RARB: variants seen among roughly 807,000 people sequenced by gnomAD.
RARB encodes HBV-activated protein.
RARB carries 17 observed loss-of-function variants against 51.9 expected under a neutral mutation model. That is an observed-to-expected ratio of 0.33 (90% CI 0.22 to 0.49). RARB has a LOEUF of 0.49. Ranked by LOEUF, RARB falls within the 20% of genes least tolerant of loss-of-function variation. The pLI is 0.99. For missense variants in RARB, 369 were observed against 550.8 expected (o/e 0.67, Z 3.30); for synonymous variants, 215 against 195.4 (o/e 1.10, Z -0.84).
chr3:25,020,088 TG>T (rs1398371714), intron 2 of RARB: 1 of 150,596 alleles, frequency 6.6e-6, no homozygotes, highest in African/African-American at 2.4e-5. Context: ...AAGGTACAGA[TG>T]TATACTCAAG....
At chr3:25,218,802 A>G (rs537517324) in intron 5 of RARB, among the ~76,000 whole-genome samples, 87 of 152,268 alleles carry the variant, frequency 5.7e-4, no homozygotes, top group Middle Eastern at 3.4e-3. Flanking sequence ...AGGCTCAGAG[A>G]GGTGACTCAA....
intron 2 of RARB, among the ~76,000 whole-genome samples, chr3:24,982,376 T>G (rs768648466): frequency 2.0e-5 from 3 of 152,176 alleles, no homozygotes; most frequent in Non-Finnish European, 2.9e-5. Flanking sequence ...GCTTCAGGCT[T>G]CCTTCCAAAC....
intron 2 of RARB, among the ~76,000 whole-genome samples, chr3:24,891,397 C>G (rs1436758325): frequency 6.6e-6 from 1 of 152,086 alleles, no homozygotes; most frequent in Non-Finnish European, 1.5e-5. Context: ...CCTTGTGCTT[C>G]AGTTTTCCAA....
At chr3:25,348,095 A>C (rs1002602102) in intron 5 of RARB, among the ~76,000 whole-genome samples, 3 of 152,124 alleles carry the variant, frequency 2.0e-5, no homozygotes, top group African/African-American at 7.2e-5. Flanking sequence ...CATAGGCTTC[A>C]TGGGCTAATA....
chr3:24,844,045 T>C (rs1215529940), intron 1 of RARB, among the ~76,000 whole-genome samples: 1 of 152,158 alleles, frequency 6.6e-6, no homozygotes, highest in Non-Finnish European at 1.5e-5. Flanking sequence ...TAAATGTTTA[T>C]TGAGTGAAAT....
intron 2 of RARB, among the ~76,000 whole-genome samples, chr3:24,948,454 T>C (rs1695820502): frequency 6.6e-6 from 1 of 152,216 alleles, no homozygotes; most frequent in Non-Finnish European, 1.5e-5. Context: ...TTTATGCCCA[T>C]CCTTTCTATC....
At chr3:25,256,311 C>G (rs1168645293) in intron 5 of RARB, among the ~76,000 whole-genome samples, 3 of 152,146 alleles carry the variant, frequency 2.0e-5, no homozygotes, top group African/African-American at 7.2e-5. Context: ...TGTGAAGAAT[C>G]TGAAGAACAC....
chr3:25,553,737 C>T (rs182375184), intron 3 of RARB, among the ~76,000 whole-genome samples: 10 of 152,268 alleles, frequency 6.6e-5, no homozygotes, highest in Admixed American at 1.3e-4. Context: ...CAGGATTGGA[C>T]GCCATCCTTC....
At chr3:25,088,531 A>T (rs1699142190) in intron 3 of RARB, among the ~76,000 whole-genome samples, 1 of 152,152 alleles carries the variant, frequency 6.6e-6, no homozygotes, top group Non-Finnish European at 1.5e-5. Context: ...GTAGTGGAGC[A>T]TTCTCAAGGG....
chr3:25,170,040 G>T (rs1465745341), intron 4 of RARB, among the ~76,000 whole-genome samples: 6 of 151,178 alleles, frequency 4.0e-5, no homozygotes. Flanking sequence ...TGAAGTACTT[G>T]CTTCTGAGGG....
chr3:25,215,235 G>T (rs1056527216), intron 5 of RARB, among the ~76,000 whole-genome samples: 2 of 152,152 alleles, frequency 1.3e-5, no homozygotes, highest in African/African-American at 4.8e-5. Context: ...TGTAGCCAGG[G>T]TTGAGAACCA....
intron 2 of RARB, among the ~76,000 whole-genome samples, chr3:24,984,679 G>C (rs1292267169): frequency 6.6e-6 from 1 of 152,178 alleles, no homozygotes; most frequent in Non-Finnish European, 1.5e-5. Flanking sequence ...CTAATGTACA[G>C]TGTGGTGACT....
intron 2 of RARB, among the ~76,000 whole-genome samples, chr3:25,473,710 G>A (rs1270810587): frequency 1.3e-5 from 2 of 152,084 alleles, no homozygotes; most frequent in East Asian, 3.9e-4. Flanking sequence ...TATATATAGT[G>A]AATTTCACTT....
intron 2 of RARB, among the ~76,000 whole-genome samples, chr3:24,993,658 C>G (rs1043218520): frequency 1.3e-5 from 2 of 152,046 alleles, no homozygotes; most frequent in African/African-American, 4.8e-5. Context: ...TGTCCCTATC[C>G]TTCCCTTCCC....
intron 3 of RARB, among the ~76,000 whole-genome samples, chr3:25,106,451 G>GGTTTTTTTTTTTTTTTTTTTT (rs1575163102): frequency 2.0e-4 from 14 of 70,546 alleles, no homozygotes; most frequent in African/African-American, 8.0e-4. Flanking sequence ...ACTGTTTTTT[G>GGTTTTTTTTTTTTTTTTTTTT]TTTTTTGTTT....
At chr3:25,455,699 C>A (rs1441675828) in intron 1 of RARB, among the ~76,000 whole-genome samples, 1 of 152,130 alleles carries the variant, frequency 6.6e-6, no homozygotes, top group African/African-American at 2.4e-5. Context: ...GGGCGGGGAC[C>A]CACAGAGCCA....
At chr3:25,533,022 T>C (rs1218399326) in intron 3 of RARB, among the ~76,000 whole-genome samples, 3 of 152,182 alleles carry the variant, frequency 2.0e-5, no homozygotes, top group Non-Finnish European at 4.4e-5. Context: ...GAAGGTATTA[T>C]ATTAAAAACT....
At chr3:25,397,893 A>AT (rs1469506996) in intron 5 of RARB, among the ~76,000 whole-genome samples, 1 of 151,584 alleles carries the variant, frequency 6.6e-6, no homozygotes, top group Non-Finnish European at 1.5e-5. Context: ...ATTAGAAAAA[A>AT]AAAAAATTCT....
chr3:24,893,257 C>T (rs1429746316), intron 2 of RARB, among the ~76,000 whole-genome samples: 1 of 152,042 alleles, frequency 6.6e-6, no homozygotes, highest in East Asian at 1.9e-4. Context: ...CATAATAGTC[C>T]CTGGGAGACA....
Sources: gnomAD v4.1 joint callset for allele counts (sites outside exome capture counted in the v4.1 genomes callset) on GRCh38, gnomAD v4.1.1 for gene constraint, MANE v1.5 for transcripts, NCBI Gene and HGNC (gene_info 2026-07-23, HGNC 2026-07-21) for gene names.